Variants in MTNR1B observed in about 807,000 individuals in gnomAD.
MTNR1B encodes melatonin receptor 1B.
MTNR1B carries 7 observed loss-of-function variants against 7.0 expected under a neutral mutation model. The observed-to-expected ratio is 1.00, with a 90% confidence interval of 0.57 to 1.88. The LOEUF (loss-of-function observed/expected upper bound fraction) is 1.88. MTNR1B is among the 40% of genes most tolerant of loss of function. The pLI is 0.00. For synonymous variants in MTNR1B, 226 were observed against 208.2 expected (o/e 1.09, Z -0.74); for missense variants, 478 against 486.5 (o/e 0.98, Z 0.16).
rs149113036 is a variant in MTNR1B at position 92,972,120 on chromosome 11, G to C, written c.223+2172G>C. On this transcript the variant is annotated intron_variant, in intron 1 of 1. Transcript: ENST00000257068. ...AGGCGCTTAAAACCTACAGCTCTTT[G>C]AATAGTTAGCACACATTCTACTCTT... is the stretch of plus-strand genomic sequence containing the variant. Among the ~76,000 whole-genome samples the C allele has an allele frequency of 3.0e-4, 46 of 152,300 alleles. No homozygotes were observed. The East Asian group carries it at 6.4e-3, about 21-fold the overall frequency.
In MTNR1B at chr11:92,982,017, C is replaced by T. The variant is rs200739086; in HGVS notation, c.794C>T (p.Ala265Val). ...VVFVIFAICW[A>V]PLNCIGLAVA... ...TTTGTGATCTTTGCCATCTGCTGGG[C>T]TCCACTTAACTGCATCGGCCTCGCT... is the stretch of plus-strand genomic sequence containing the variant. Residue 265 changes from alanine to valine, a missense_variant, in exon 2 of 2, where the codon GCT becomes GTT. By Grantham distance (64) the Ala-to-Val change is moderately conservative. Coordinates refer to ENST00000257068, the MANE Select transcript of MTNR1B (RefSeq NM_005959.5). 1.7e-5 allele frequency: 28 copies of T among 1,614,120 alleles called. No homozygotes were observed. The highest frequency in any genetic ancestry group is 5.0e-5 in the Admixed American group (3 of 60,012).
At chr11:92,977,249 A>C (rs1243502033) in intron 1 of MTNR1B, among the ~76,000 whole-genome samples, 5 of 152,226 alleles carry the variant, frequency 3.3e-5, no homozygotes, top group African/African-American at 1.2e-4. Flanking sequence ...TGATTCATCC[A>C]CACATCCTAA....
At chr11:92,980,841 TA>T (rs2136517030) in intron 1 of MTNR1B, among the ~76,000 whole-genome samples, 1 of 152,292 alleles carries the variant, frequency 6.6e-6, no homozygotes, top group Admixed American at 6.5e-5. Context: ...CAAATGGGAA[TA>T]CCAGAAACAC....
At chr11:92,980,159 G>T (rs949113841) in intron 1 of MTNR1B, among the ~76,000 whole-genome samples, 1 of 152,136 alleles carries the variant, frequency 6.6e-6, no homozygotes, top group African/African-American at 2.4e-5. Flanking sequence ...CTGTGTCTTT[G>T]CTGACTTGGG....
chr11:92,982,310 T>C lies in MTNR1B; in HGVS notation c.1087T>C (p.Ter363GlnextTer106), dbSNP rs1858126071. The C allele has an allele frequency of 6.2e-7, 1 of 1,608,202 alleles. No individual in the cohort carries two copies. Among genetic ancestry groups the C allele is most frequent in the East Asian group, 2.2e-5 (1 of 44,830 alleles). ...TGTGCAGCACCAGGCAGATGCTCTC[T>C]AGCCTGGATCTGAGGCACACCAGCA... Reference protein sequence around the residue: ...IGVQHQADAL* With the variant: ...IGVQHQADALQ The change falls in exon 2 of 2, where the codon TAG (stop) becomes CAG (glutamine). Residue 363 changes from the stop codon to glutamine (Q), a stop_lost. Transcript: ENST00000257068.
At chr11:92,983,161 T>A (rs1464346549), downstream of MTNR1B, among the ~76,000 whole-genome samples, 2 of 152,158 alleles carry the variant, frequency 1.3e-5, no homozygotes, top group Non-Finnish European at 2.9e-5. Context: ...TCTGCAGAGC[T>A]GAGGACAGTG....
chr11:92,981,317 A>C, intron 1 of MTNR1B, 130 bp from the exon 2 acceptor site: 6 of 1,284,664 alleles, frequency 4.7e-6, no homozygotes, highest in Non-Finnish European at 6.4e-6. Flanking sequence ...CTGAGTCTTC[A>C]GTTCTGTGCC....
rs1162620553 is a variant in MTNR1B, at chr11:92,969,731, A to G, written c.6A>G (p.Ser2=). Residue 2 remains serine (S), a synonymous_variant, in exon 1 of 2, where the codon TCA becomes TCG. Transcript: ENST00000257068. ...ACAGCGCGGGAGAGTCTGCGATGTC[A>G]GAGAACGGCTCCTTCGCCAACTGCT... is the stretch of plus-strand genomic sequence containing the variant. The part of the protein sequence containing the change: M[S]ENGSFANCCE... 6 of 1,478,888 alleles carry G rather than the reference A, an allele frequency of 4.1e-6. No individual in the cohort carries two copies. Among genetic ancestry groups the G allele is most frequent in the Admixed American group, 2.1e-5 (1 of 46,566 alleles). 91.6% of individuals were successfully genotyped at this position (1,478,888 alleles called of 1,614,324 possible).
chr11:92,982,172 A>G lies in MTNR1B; in HGVS notation c.949A>G (p.Arg317Gly), dbSNP rs1433274082. The G allele has an allele frequency of 1.2e-6, 2 of 1,614,174 alleles. No homozygotes were observed. The highest frequency in any genetic ancestry group is 1.7e-6 in the Non-Finnish European group (2 of 1,180,030). The part of the protein sequence containing the change: ...VYGLLNQNFR[R>G]EYKRILLALW... ...TGGGCTCTTGAACCAAAACTTCCGCAGGGAATACAAGAGGATCCTCTTGGC... is the reference window on the plus strand; with the variant it reads ...TGGGCTCTTGAACCAAAACTTCCGCGGGGAATACAAGAGGATCCTCTTGGC... Residue 317 changes from arginine to glycine, a missense_variant, in exon 2 of 2, where the codon AGG (arginine) becomes GGG (glycine). Coordinates refer to ENST00000257068, the MANE Select transcript of MTNR1B (RefSeq NM_005959.5).
In MTNR1B at chr11:92,969,755, C is replaced by T. The variant is rs1247225489; in HGVS notation, c.30C>T (p.Cys10=). 25 of 1,502,864 alleles carry T rather than the reference C, an allele frequency of 1.7e-5. No individual in the cohort carries two copies. Among genetic ancestry groups the T allele is most frequent in the Non-Finnish European group, 2.1e-5 (24 of 1,123,756 alleles). The allele number at this position is 1,502,864 out of a possible 1,614,324, so 93.1% of individuals were successfully genotyped here. A position where few individuals can be genotyped will look rare whatever the true frequency, so the allele number is the denominator to read the frequency against. The part of the protein sequence containing the change: MSENGSFAN[C]CEAGGWAVRP... ...CAGAGAACGGCTCCTTCGCCAACTG[C>T]TGCGAGGCGGGCGGGTGGGCAGTGC... The change falls in exon 1 of 2, where the codon TGC becomes TGT. Residue 10 remains cysteine, a synonymous_variant. Transcript: ENST00000257068.
chr11:92,973,822 G>C (rs1264857111), intron 1 of MTNR1B, among the ~76,000 whole-genome samples: 4 of 152,152 alleles, frequency 2.6e-5, no homozygotes, highest in Admixed American at 6.6e-5. Context: ...CACATAGTAA[G>C]AACAGAACAC....
chr11:92,984,960 AG>A (rs767356235), downstream of MTNR1B: 123 of 455,746 alleles, frequency 2.7e-4, 1 homozygote, highest in South Asian at 1.9e-3. Context: ...AATTTGGGGA[AG>A]CCTGTCTTCC....
chr11:92,980,617 G>C (rs571067417), intron 1 of MTNR1B, among the ~76,000 whole-genome samples: 27 of 152,184 alleles, frequency 1.8e-4, no homozygotes, highest in Non-Finnish European at 2.9e-4. Flanking sequence ...ACCAAGCTTG[G>C]TGATGTTGGA....
chr11:92,970,410 G>A (rs1223787886), intron 1 of MTNR1B, among the ~76,000 whole-genome samples: 1 of 152,308 alleles, frequency 6.6e-6, no homozygotes, highest in East Asian at 1.9e-4. Context: ...TTAATCAATG[G>A]AAGCATTTCA....
At chr11:92,978,460 C>T (rs940392943) in intron 1 of MTNR1B, among the ~76,000 whole-genome samples, 1 of 152,184 alleles carries the variant, frequency 6.6e-6, no homozygotes, top group African/African-American at 2.4e-5. Context: ...CGCCAGGACC[C>T]ATGACATAAA....
chr11:92,981,979 C>G lies in MTNR1B; in HGVS notation c.756C>G (p.Thr252=). ...CCAGCGACTTGCGGAGCTTTCTAAC[C>G]ATGTTTGTGGTGTTTGTGATCTTTG... ...LKPSDLRSFL[T]MFVVFVIFAI... The change falls in exon 2 of 2, where the codon ACC becomes ACG. Residue 252 remains threonine (T), a synonymous_variant. Coordinates refer to ENST00000257068, the MANE Select transcript of MTNR1B (RefSeq NM_005959.5). The G allele has an allele frequency of 6.2e-7, 1 of 1,614,238 alleles. No individual in the cohort carries two copies. Among genetic ancestry groups the G allele is most frequent in the East Asian group, 2.2e-5 (1 of 44,870 alleles).
Position 92,982,319 on chromosome 11 carries a change from T to C in MTNR1B, c.*7T>C. The C allele has an allele frequency of 6.2e-7, 1 of 1,604,458 alleles. No individual in the cohort carries two copies. Among genetic ancestry groups the C allele is most frequent in the East Asian group, 2.2e-5 (1 of 44,800 alleles). Reference sequence around the variant, plus strand: ...CCAGGCAGATGCTCTCTAGCCTGGATCTGAGGCACACCAGCAGCATGACAA... The same window carrying C: ...CCAGGCAGATGCTCTCTAGCCTGGACCTGAGGCACACCAGCAGCATGACAA... On this transcript the variant is annotated 3_prime_UTR_variant, in exon 2 of 2. Transcript: ENST00000257068.
At position 92,981,900 on chromosome 11, in the gene MTNR1B, T is replaced by C; in HGVS notation, c.677T>C (p.Leu226Pro). The C allele has an allele frequency of 1.9e-6, 3 of 1,614,232 alleles. No individual in the cohort carries two copies. The highest frequency in any genetic ancestry group is 2.5e-6 in the Non-Finnish European group (3 of 1,180,042). The change falls in exon 2 of 2, where the codon CTG becomes CCG. Residue 226 changes from leucine to proline, a missense_variant. Transcript: ENST00000257068. ...VSFCYLRIWV[L>P]VLQARRKAKP... is the part of the protein sequence containing the mutation. Reference sequence around the variant, plus strand: ...TTCTGCTACCTGCGCATCTGGGTGCTGGTGCTTCAGGCCCGCAGGAAAGCC... The same window carrying C: ...TTCTGCTACCTGCGCATCTGGGTGCCGGTGCTTCAGGCCCGCAGGAAAGCC...
chr11:92,976,099 A>G (rs543082747), intron 1 of MTNR1B, among the ~76,000 whole-genome samples: 4 of 152,314 alleles, frequency 2.6e-5, no homozygotes, highest in Non-Finnish European at 5.9e-5. Flanking sequence ...AATTCCTCCC[A>G]TGTAACTTTC....
Sources: allele counts gnomAD v4.1 joint callset (sites outside exome capture counted in the v4.1 genomes callset), GRCh38; gene constraint gnomAD v4.1.1; transcripts MANE v1.5; gene names NCBI Gene and HGNC (gene_info 2026-07-23, HGNC 2026-07-21).